The following KIF1B variants were observed in gnomAD, a reference collection of about 807,000 sequenced individuals.
KIF1B encodes the protein kinesin family member 1B.
KIF1B carries 76 observed loss-of-function variants against 241.9 expected under a neutral mutation model. That is an observed-to-expected ratio of 0.31 (90% CI 0.26 to 0.38). The LOEUF is 0.38. Ranked by LOEUF, KIF1B falls within the 10% of genes least tolerant of loss-of-function variation. KIF1B has a pLI of 1.00. For missense variants in KIF1B, 1,622 were observed against 2,271.4 expected, an observed-to-expected ratio of 0.71 and a Z score of 5.81; for synonymous variants, 750 against 796.7, an observed-to-expected ratio of 0.94 and a Z score of 0.99.
At chr1:10,240,695 T>A (rs944796120) in intron 2 of KIF1B, among the ~76,000 whole-genome samples, 1 of 151,076 alleles carries the variant, frequency 6.6e-6, no homozygotes, top group Admixed American at 6.6e-5. Flanking sequence ...ATGGATTGAA[T>A]GGATTTAAGA....
intron 32 of KIF1B, among the ~76,000 whole-genome samples, chr1:10,340,242 A>G (rs1652342029): frequency 6.6e-6 from 1 of 152,196 alleles, no homozygotes. Context: ...AATATCAAAT[A>G]CCTTCTGTAG....
chr1:10,321,992 GT>G, intron 24 of KIF1B, 135 bp downstream of exon 24: 1 of 855,070 alleles, frequency 1.2e-6, no homozygotes, highest in Non-Finnish European at 1.9e-6. Flanking sequence ...CTTTATATAT[GT>G]CTTTATTTAA....
chr1:10,369,165 A>T (rs1188494), intron 44 of KIF1B, among the ~76,000 whole-genome samples: 2 of 152,188 alleles, frequency 1.3e-5, no homozygotes, highest in Admixed American at 6.5e-5. Flanking sequence ...TTCTACCTAC[A>T]CCTCTTTCCT....
At chr1:10,376,033 C>T (rs537972863) in intron 48 of KIF1B, among the ~76,000 whole-genome samples, 70 of 151,690 alleles carry the variant, frequency 4.6e-4, no homozygotes, top group Non-Finnish European at 6.9e-4. Flanking sequence ...GAACTCCTGA[C>T]CTCAGGTGAT....
intron 35 of KIF1B, among the ~76,000 whole-genome samples, chr1:10,346,942 C>T (rs1652611594): frequency 6.6e-6 from 1 of 152,136 alleles, no homozygotes; most frequent in Non-Finnish European, 1.5e-5. Context: ...TTTGTGACAA[C>T]CAAAAATGTC....
chr1:10,286,016 A>G (rs1013454707), intron 15 of KIF1B, among the ~76,000 whole-genome samples: 2 of 151,662 alleles, frequency 1.3e-5, no homozygotes, highest in African/African-American at 4.8e-5. Context: ...TCCATATGTT[A>G]GGTACTCATG....
chr1:10,355,141 AT>A (rs1162152761), intron 38 of KIF1B, among the ~76,000 whole-genome samples: 1 of 151,984 alleles, frequency 6.6e-6, no homozygotes, highest in Non-Finnish European at 1.5e-5. Context: ...TTTCCCTCTT[AT>A]GTCTGGCATT....
At chr1:10,264,569 A>G (rs1401135577) in intron 5 of KIF1B, among the ~76,000 whole-genome samples, 1 of 152,226 alleles carries the variant, frequency 6.6e-6, no homozygotes, top group African/African-American at 2.4e-5. Context: ...TGATTGAAGA[A>G]TCATCTCACT....
At chr1:10,346,284 T>C (rs1652585979) in intron 35 of KIF1B, among the ~76,000 whole-genome samples, 1 of 152,184 alleles carries the variant, frequency 6.6e-6, no homozygotes, top group Non-Finnish European at 1.5e-5. Flanking sequence ...GAGAACTGAC[T>C]GTTGAGCATA....
At chr1:10,368,598 C>A in intron 44 of KIF1B, 60 bp downstream of exon 44, 1 of 1,403,312 alleles carries the variant, frequency 7.1e-7, no homozygotes, top group Non-Finnish European at 1.0e-6. Flanking sequence ...TCCACAGCAG[C>A]CCAGATTACC....
At chr1:10,297,312 C>T (rs1453235041) in intron 22 of KIF1B, 66 bp downstream of exon 22, 10 of 1,405,466 alleles carry the variant, frequency 7.1e-6, no homozygotes, top group Non-Finnish European at 9.1e-6. Context: ...TTCCCTGTTC[C>T]ACAGAGCAGT....
chr1:10,333,703 A>G (rs527290182), intron 27 of KIF1B, among the ~76,000 whole-genome samples: 1 of 152,302 alleles, frequency 6.6e-6, no homozygotes, highest in East Asian at 1.9e-4. Context: ...AAATCAGACA[A>G]AAAGCAACCA....
chr1:10,297,623 GT>G (rs1436811426), intron 22 of KIF1B, among the ~76,000 whole-genome samples: 2 of 151,988 alleles, frequency 1.3e-5, no homozygotes, highest in Admixed American at 1.3e-4. Flanking sequence ...GTTTGCCTTG[GT>G]TTTGTTTCTG....
intron 22 of KIF1B, among the ~76,000 whole-genome samples, chr1:10,315,123 A>G (rs1245758971): frequency 4.0e-5 from 6 of 149,232 alleles, no homozygotes; most frequent in African/African-American, 7.6e-5. Flanking sequence ...ATATCATGGC[A>G]GTTTACCCCA....
chr1:10,272,561 T>C, intron 9 of KIF1B: 1 of 546,114 alleles, frequency 1.8e-6, no homozygotes, highest in South Asian at 1.8e-5. Flanking sequence ...GTTTGACTCA[T>C]TTTTTTGAGC....
At chr1:10,318,532 C>T (rs1407994181) in intron 22 of KIF1B, among the ~76,000 whole-genome samples, 1 of 149,250 alleles carries the variant, frequency 6.7e-6, no homozygotes, top group Admixed American at 6.6e-5. Context: ...TCAGCCTGGC[C>T]AACATGGTGA....
At chr1:10,276,210 G>C in intron 11 of KIF1B, 111 bp from the exon 12 acceptor site, 1 of 783,400 alleles carries the variant, frequency 1.3e-6, no homozygotes, top group Non-Finnish European at 2.2e-6. Context: ...AAAGAAATTT[G>C]ACATTACATT....
chr1:10,296,910 C>A lies in KIF1B; in HGVS notation c.1875C>A (p.Ile625=). ...GTTTTGTGCTAGGAAACCGTATCAT[C>A]ATGGGTAAAAACCATGTTTTCCGCT... ...PVQLRSGNRI[I]MGKNHVFRFN... Residue 625 remains isoleucine (I), a synonymous_variant, in exon 21 of 49, where the codon ATC becomes ATA. Transcript: ENST00000676179. 3 of 1,614,016 alleles carry A rather than the reference C, an allele frequency of 1.9e-6. No homozygotes were observed. The highest frequency in any genetic ancestry group is 1.6e-4 in the Middle Eastern group (1 of 6,062).
intron 1 of KIF1B, among the ~76,000 whole-genome samples, chr1:10,225,251 A>G (rs1461608996): frequency 6.6e-6 from 1 of 152,114 alleles, no homozygotes; most frequent in Admixed American, 6.6e-5. Flanking sequence ...CTTGAGGCTG[A>G]GGCTGCAGTG....
Sources: allele counts gnomAD v4.1 joint callset (sites outside exome capture counted in the v4.1 genomes callset), GRCh38; gene constraint gnomAD v4.1.1; transcripts MANE v1.5; gene names NCBI Gene and HGNC (gene_info 2026-07-23, HGNC 2026-07-21).